The following DISC1 variants were observed in gnomAD, a reference collection of about 807,000 sequenced individuals.
DISC1 encodes disrupted in schizophrenia 1 protein.
A neutral mutation model predicts 84.5 loss-of-function variants in DISC1; 57 were observed. The observed-to-expected ratio is 0.67, with a 90% CI of 0.55 to 0.84. The LOEUF is 0.84. Ranked by LOEUF, DISC1 falls within the 40% of genes least tolerant of loss-of-function variation. The pLI, the probability that DISC1 is intolerant of heterozygous loss-of-function variation, is 0.00. For synonymous variants in DISC1, 411 were observed against 415.2 expected (o/e 0.99, Z 0.12); for missense variants, 1,000 against 1,057.8 (o/e 0.95, Z 0.76).
chr1:231,793,173 T>C (rs2078479753), intron 6 of DISC1, among the ~76,000 whole-genome samples: 1 of 152,148 alleles, frequency 6.6e-6, no homozygotes. Context: ...AATCAGCAAA[T>C]TGGCAGCTTA....
At chr1:231,792,785 T>C (rs1051040765) in intron 6 of DISC1, among the ~76,000 whole-genome samples, 1 of 152,206 alleles carries the variant, frequency 6.6e-6, no homozygotes, top group Non-Finnish European at 1.5e-5. Context: ...CTCTGACTTA[T>C]GTTCTCTCAA....
chr1:231,723,659 T>G (rs549455991), intron 3 of DISC1: 1 of 985,408 alleles, frequency 1.0e-6, no homozygotes, highest in African/African-American at 1.7e-5. Flanking sequence ...AATTGGATTA[T>G]GACACTGTCA....
intron 10 of DISC1, among the ~76,000 whole-genome samples, chr1:231,963,784 C>T (rs547257027): frequency 1.4e-4 from 22 of 152,252 alleles, no homozygotes; most frequent in Middle Eastern, 3.4e-3. Context: ...CTGAGCTCCC[C>T]GAGTGAGCAA....
At chr1:231,839,673 A>G (rs2082889668) in intron 9 of DISC1, among the ~76,000 whole-genome samples, 2 of 152,208 alleles carry the variant, frequency 1.3e-5, no homozygotes, top group South Asian at 2.1e-4. Flanking sequence ...TACCTGAGAC[A>G]GGGTAATTTG....
At chr1:231,631,625 AT>A (rs1408597590) in intron 1 of DISC1, among the ~76,000 whole-genome samples, 1 of 152,172 alleles carries the variant, frequency 6.6e-6, no homozygotes, top group African/African-American at 2.4e-5. Flanking sequence ...AAGTAAAAAA[AT>A]AAAAATTAAA....
At chr1:231,859,910 G>A (rs1212421801) in intron 9 of DISC1, among the ~76,000 whole-genome samples, 1 of 152,170 alleles carries the variant, frequency 6.6e-6, no homozygotes, top group African/African-American at 2.4e-5. Context: ...TCCCATCCAT[G>A]TATTGTTCCA....
At chr1:231,894,623 A>AT (rs919977030) in intron 9 of DISC1, among the ~76,000 whole-genome samples, 1 of 151,852 alleles carries the variant, frequency 6.6e-6, no homozygotes, top group Non-Finnish European at 1.5e-5. Flanking sequence ...TTTTAAAAAC[A>AT]TTTTTTAAAG....
chr1:231,917,824 G>A (rs114527858), intron 9 of DISC1, among the ~76,000 whole-genome samples: 3,285 of 152,292 alleles, frequency 0.022, 51 homozygotes, highest in Non-Finnish European at 0.033. Flanking sequence ...TAAATAGTAC[G>A]TCTACTGATT....
At chr1:231,637,195 G>A (rs1314689305) in intron 1 of DISC1, among the ~76,000 whole-genome samples, 1 of 152,036 alleles carries the variant, frequency 6.6e-6, no homozygotes, top group Non-Finnish European at 1.5e-5. Context: ...TTCTTTACCC[G>A]GTCTATCATT....
chr1:232,013,354 T>C (rs1668197810), intron 11 of DISC1, among the ~76,000 whole-genome samples: 1 of 152,136 alleles, frequency 6.6e-6, no homozygotes, highest in South Asian at 2.1e-4. Flanking sequence ...TGAACACAGC[T>C]GCAGTGAACG....
intron 9 of DISC1, among the ~76,000 whole-genome samples, chr1:231,829,504 A>G (rs2082074863): frequency 6.6e-6 from 1 of 152,098 alleles, no homozygotes; most frequent in Non-Finnish European, 1.5e-5. Flanking sequence ...AGCTGGAAGT[A>G]CAGGCATGTG....
At chr1:231,952,691 T>TTATATATATATATATATATATATATTTA (rs60722025) in intron 9 of DISC1, among the ~76,000 whole-genome samples, 1 of 141,838 alleles carries the variant, frequency 7.1e-6, no homozygotes, top group Non-Finnish European at 1.5e-5. Context: ...ATATATATGT[T>TTATATATATATATATATATATATATTTA]TATATATATA....
intron 9 of DISC1, among the ~76,000 whole-genome samples, chr1:231,930,688 G>A (rs1282045795): frequency 1.3e-5 from 2 of 152,082 alleles, no homozygotes; most frequent in Non-Finnish European, 1.5e-5. Flanking sequence ...TGAGCAGGGG[G>A]CAGCTGGGGA....
intron 9 of DISC1, among the ~76,000 whole-genome samples, chr1:231,932,832 A>T (rs73096859): frequency 2.0e-5 from 3 of 152,216 alleles, no homozygotes; most frequent in Admixed American, 1.3e-4. Flanking sequence ...TAGAGTTGGC[A>T]TCCTAAAATT....
At chr1:231,981,943 A>C (rs1663664434) in intron 10 of DISC1, among the ~76,000 whole-genome samples, 1 of 152,170 alleles carries the variant, frequency 6.6e-6, no homozygotes, top group African/African-American at 2.4e-5. Context: ...TGGTATGTAG[A>C]GAAGTGGGGA....
intron 2 of DISC1, among the ~76,000 whole-genome samples, chr1:231,695,410 A>G (rs901849765): frequency 1.3e-5 from 2 of 152,194 alleles, no homozygotes; most frequent in Non-Finnish European, 2.9e-5. Context: ...GGAGACATCT[A>G]AGGCCCAGCC....
chr1:231,899,609 C>T (rs78488433), intron 9 of DISC1, among the ~76,000 whole-genome samples: 88 of 152,204 alleles, frequency 5.8e-4, no homozygotes, highest in East Asian at 1.4e-3. Flanking sequence ...GCTCCCTTCC[C>T]GATCAAAGCC....
At position 231,694,587 on chromosome 1, in the gene DISC1, T is replaced by C. The variant is rs2065414369; in HGVS notation, c.829T>C (p.Leu277=). 6.2e-7 allele frequency: 1 copy of C among 1,614,250 alleles called. No homozygotes were observed. The highest frequency in any genetic ancestry group is 2.2e-5 in the East Asian group (1 of 44,888). The change falls in exon 2 of 13, where the codon TTG becomes CTG. Residue 277 remains leucine, a synonymous_variant. Coordinates refer to ENST00000439617, the MANE Select transcript of DISC1 (RefSeq NM_018662.3). ...SLLATRVSAD[L]AQAARNSSRP... ...CTTGGCTACACGGGTCTCTGCAGAC[T>C]TGGCCCAGGCCGCAAGGAACAGCTC...
At chr1:232,017,157 T>C (rs531325042) in intron 11 of DISC1, among the ~76,000 whole-genome samples, 4 of 152,182 alleles carry the variant, frequency 2.6e-5, no homozygotes, top group Non-Finnish European at 4.4e-5. Flanking sequence ...TTACCAAGCA[T>C]GTATTTTGGA....
Sources: gnomAD v4.1 joint callset for allele counts (sites outside exome capture counted in the v4.1 genomes callset) on GRCh38, gnomAD v4.1.1 for gene constraint, MANE v1.5 for transcripts, NCBI Gene and HGNC (gene_info 2026-07-23, HGNC 2026-07-21) for gene names.